Variants in TCF4 observed in about 807,000 individuals in gnomAD.
TCF4 encodes the protein SL3-3 enhancer factor 2.
A neutral mutation model predicts 82.1 loss-of-function variants in TCF4; 3 were observed. The observed-to-expected ratio is 0.04, with a 90% confidence interval of 0.02 to 0.09. The LOEUF (loss-of-function observed/expected upper bound fraction) is 0.09. TCF4 is among the 10% of genes least tolerant of loss of function. The pLI is 1.00. For missense variants in TCF4, 518 were observed against 852.7 expected, an observed-to-expected ratio of 0.61 and a Z score of 4.89; for synonymous variants, 276 against 309.6, an observed-to-expected ratio of 0.89 and a Z score of 1.14.
intron 3 of TCF4, among the ~76,000 whole-genome samples, chr18:55,523,379 C>T (rs1385217787): frequency 6.6e-6 from 1 of 151,842 alleles, no homozygotes; most frequent in Non-Finnish European, 1.5e-5. Flanking sequence ...TAAATAAATT[C>T]AGGAAACACT....
intron 3 of TCF4, among the ~76,000 whole-genome samples, chr18:55,494,454 A>C (rs1000121528): frequency 1.3e-5 from 2 of 152,086 alleles, no homozygotes; most frequent in African/African-American, 4.8e-5. Context: ...AAATGGTTTC[A>C]GCCTTATTAA....
intron 3 of TCF4, chr18:55,495,478 A>C (rs1338004208): frequency 6.6e-6 from 1 of 152,158 alleles, no homozygotes; most frequent in Non-Finnish European, 1.5e-5. Context: ...ATATTCATTT[A>C]ATTATGAGAG....
chr18:55,542,227 T>A (rs1362102003), intron 3 of TCF4, among the ~76,000 whole-genome samples: 1 of 151,932 alleles, frequency 6.6e-6, no homozygotes, highest in Non-Finnish European at 1.5e-5. Flanking sequence ...TGTTTCTGAG[T>A]TTCCATGAGT....
At position 55,527,118 on chromosome 18, in the gene TCF4, G is replaced by A. The variant is rs145292865; in HGVS notation, c.145+58162C>T. ...AGATAGGTGAAAATAGTAACCTCACGCATCTGTGCTTCCCTCTGCCAAGAA... is the reference window on the plus strand; with the variant it reads ...AGATAGGTGAAAATAGTAACCTCACACATCTGTGCTTCCCTCTGCCAAGAA... On this transcript the variant is annotated intron_variant, in intron 3 of 19. Transcript: ENST00000354452. Among the ~76,000 whole-genome samples the A allele has an allele frequency of 1.2e-4, 18 of 152,278 alleles. No homozygotes were observed. In the East Asian group the frequency reaches 2.3e-3, roughly 20 times the overall value.
At chr18:55,562,789 A>AT (rs1222689530) in intron 3 of TCF4, among the ~76,000 whole-genome samples, 1 of 152,224 alleles carries the variant, frequency 6.6e-6, no homozygotes, top group African/African-American at 2.4e-5. Flanking sequence ...GCCTTCTACC[A>AT]TAAATAATAT....
At chr18:55,475,377 A>G (rs926070863) in intron 3 of TCF4, among the ~76,000 whole-genome samples, 1 of 152,148 alleles carries the variant, frequency 6.6e-6, no homozygotes, top group African/African-American at 2.4e-5. Context: ...CCTTCCCAGG[A>G]CATCACTTCC....
chr18:55,326,841 G>C (rs750306279), intron 8 of TCF4, among the ~76,000 whole-genome samples: 13 of 152,108 alleles, frequency 8.5e-5, no homozygotes, highest in Admixed American at 1.3e-4. Flanking sequence ...CATATATATG[G>C]AATGTTATAA....
At chr18:55,609,905 C>T (rs538100714) in intron 2 of TCF4, among the ~76,000 whole-genome samples, 59 of 136,266 alleles carry the variant, frequency 4.3e-4, no homozygotes, top group African/African-American at 1.4e-3. Context: ...AACTTCCACA[C>T]TCACCCCCTG....
intron 3 of TCF4, among the ~76,000 whole-genome samples, chr18:55,572,371 T>C (rs1323223878): frequency 3.3e-5 from 5 of 151,984 alleles, no homozygotes; most frequent in African/African-American, 1.2e-4. Context: ...GTATCCTGAG[T>C]TGGGAGGTGA....
At chr18:55,327,736 C>G (rs1225471312) in intron 8 of TCF4, among the ~76,000 whole-genome samples, 1 of 151,988 alleles carries the variant, frequency 6.6e-6, no homozygotes, top group Non-Finnish European at 1.5e-5. Context: ...TGACTTCTAC[C>G]TTTCTGTGGC....
chr18:55,393,757 G>A (rs779744571), intron 6 of TCF4, among the ~76,000 whole-genome samples: 3 of 152,198 alleles, frequency 2.0e-5, no homozygotes, highest in Admixed American at 6.5e-5. Context: ...ATCAAAGTAC[G>A]AGGAAAGCTA....
At chr18:55,520,171 T>C (rs1349820867) in intron 3 of TCF4, among the ~76,000 whole-genome samples, 1 of 152,206 alleles carries the variant, frequency 6.6e-6, no homozygotes, top group Non-Finnish European at 1.5e-5. Context: ...ATAAGGCCAA[T>C]GATAGCATAA....
At chr18:55,285,937 T>G (rs1456998178) in intron 8 of TCF4, among the ~76,000 whole-genome samples, 1 of 152,230 alleles carries the variant, frequency 6.6e-6, no homozygotes, top group Admixed American at 6.5e-5. Flanking sequence ...ATTTATTATA[T>G]TTAGAGTCCT....
In TCF4 at chr18:55,581,537, T is replaced by TAC. The variant is rs547693735; in HGVS notation, c.145+3741_145+3742dup. Among the ~76,000 whole-genome samples the TAC allele has an allele frequency of 2.6e-3, 390 of 151,924 alleles. 2 individuals are homozygous for TAC. Among genetic ancestry groups the TAC allele is most frequent in the Non-Finnish European group, 3.8e-3 (257 of 67,854 alleles). ...TTTTAAGGGTGTTTTCACTCACTTA[T>TAC]ACACACACACACAATATTAAGCAGC... On this transcript the variant is annotated intron_variant, in intron 3 of 19. Coordinates refer to ENST00000354452, the MANE Select transcript of TCF4 (RefSeq NM_001083962.2).
intron 2 of TCF4, among the ~76,000 whole-genome samples, chr18:55,607,819 G>T (rs969003349): frequency 6.6e-6 from 1 of 152,168 alleles, no homozygotes; most frequent in African/African-American, 2.4e-5. Context: ...AAAATGCCAA[G>T]ATTTTTTCAA....
At chr18:55,397,308 TTTG>T (rs1391298605) in intron 6 of TCF4, among the ~76,000 whole-genome samples, 2 of 152,200 alleles carry the variant, frequency 1.3e-5, no homozygotes, top group Non-Finnish European at 2.9e-5. Flanking sequence ...TAATTTTAAA[TTTG>T]TAGGCAAAAC....
chr18:55,347,190 T>G (rs966473883), intron 8 of TCF4, among the ~76,000 whole-genome samples: 2 of 151,980 alleles, frequency 1.3e-5, no homozygotes, highest in Non-Finnish European at 1.5e-5. Context: ...ATTACTAAGG[T>G]CTTCGCAAAA....
intron 2 of TCF4, among the ~76,000 whole-genome samples, chr18:55,627,856 C>A (rs2097728062): frequency 6.6e-6 from 1 of 151,978 alleles, no homozygotes; most frequent in Non-Finnish European, 1.5e-5. Context: ...GTTAGGAGAT[C>A]GATACCATCC....
intron 2 of TCF4, among the ~76,000 whole-genome samples, chr18:55,600,512 G>A (rs958051159): frequency 1.3e-4 from 20 of 152,142 alleles, no homozygotes; most frequent in African/African-American, 3.6e-4. Flanking sequence ...CAGTGGAACC[G>A]TACACATGGA....
Sources: gnomAD v4.1 joint callset for allele counts (sites outside exome capture counted in the v4.1 genomes callset) on GRCh38, gnomAD v4.1.1 for gene constraint, MANE v1.5 for transcripts, NCBI Gene and HGNC (gene_info 2026-07-23, HGNC 2026-07-21) for gene names.